The following TRAF3IP1 variants were observed in gnomAD, a reference collection of about 807,000 sequenced individuals.
The protein encoded by TRAF3IP1 is TRAF3-interacting protein 1.
A neutral mutation model predicts 89.9 loss-of-function variants in TRAF3IP1; 53 were observed. That is an observed-to-expected ratio of 0.59 (90% CI 0.47 to 0.74). The LOEUF (loss-of-function observed/expected upper bound fraction) is 0.74, where lower values mean the gene tolerates loss of function less well. Among genes scored for constraint, TRAF3IP1 ranks in the 30% least tolerant of loss-of-function variants. The probability of loss-of-function intolerance (pLI) is 0.00; values close to 1 mark genes in which losing one functional copy is unlikely to be tolerated. For missense variants in TRAF3IP1, 806 were observed against 866.1 expected (o/e 0.93, Z 0.87); for synonymous variants, 311 against 322.1 (o/e 0.97, Z 0.37).
rs917993262 is a variant in TRAF3IP1, at chr2:238,345,266, A to C, written c.1261+668A>C. On this transcript the variant is annotated intron_variant, in intron 9 of 16. Coordinates refer to ENST00000373327, the MANE Select transcript of TRAF3IP1 (RefSeq NM_015650.4). This position sits in a 1 kb window ranked among gnomAD's most constrained non-coding sequence, Gnocchi z 4.7. ...ATGTCAGCCCTGAGGCTGGGAGCGC[A>C]TGAGCCAGTGAAGTCAGGCTGGCCT... Among the ~76,000 whole-genome samples, 2 of 152,234 alleles carry C rather than the reference A, an allele frequency of 1.3e-5. No homozygotes were observed. Among genetic ancestry groups the C allele is most frequent in the Admixed American group, 6.5e-5 (1 of 15,286 alleles).
Position 238,375,784 on chromosome 2 carries a change from CCTT to C in TRAF3IP1, c.1689+19707_1689+19709del, listed in dbSNP as rs933828993. 2.2e-4 allele frequency among the ~76,000 whole-genome samples: 33 copies of C among 152,122 alleles called. 2 individuals are homozygous for C. The highest frequency in any genetic ancestry group is 4.4e-5 in the Non-Finnish European group (3 of 67,998). On this transcript the variant is annotated intron_variant, in intron 15 of 16. Coordinates refer to ENST00000373327, the MANE Select transcript of TRAF3IP1 (RefSeq NM_015650.4). ...GCTTTTGGCGAGTCGGTTAAGAAAT[CCTT>C]CTGTATTCCAAGGTCAGAAAGATAT...
chr2:238,371,554 T>C lies in TRAF3IP1; in HGVS notation c.1689+15474T>C, dbSNP rs1197927893. Among the ~76,000 whole-genome samples the C allele has an allele frequency of 2.0e-5, 3 of 152,182 alleles. No homozygotes were observed. In the East Asian group the frequency reaches 5.8e-4, roughly 29 times the overall value. On this transcript the variant is annotated intron_variant, in intron 15 of 16. Transcript: ENST00000373327. ...GATAATGCAAGAGCTCAAAAAAAGA[T>C]TGTTCTTATATTCTTCCAAACCTAA...
intron 7 of TRAF3IP1, among the ~76,000 whole-genome samples, chr2:238,337,292 A>G (rs188794524): frequency 9.6e-4 from 146 of 152,324 alleles, no homozygotes; most frequent in African/African-American, 3.4e-3. Context: ...GAGGGAGGAC[A>G]TCTGGACAGA....
Position 238,325,881 on chromosome 2 carries a change from T to C in TRAF3IP1, c.265T>C (p.Leu89=), listed in dbSNP as rs761801172. ...TGTAATGGTGTCGGGAGAGCCACTG[T>C]TGGCCAAACCAGCCCGAATCGTGGC... ...VVVMVSGEPL[L]AKPARIVAGH... is the part of the protein sequence containing the mutation. The change falls in exon 3 of 17, where the codon TTG becomes CTG. Residue 89 remains leucine (L), a synonymous_variant. Transcript: ENST00000373327. 1 of 1,614,236 alleles carries C rather than the reference T, an allele frequency of 6.2e-7. No individual in the cohort carries two copies. The highest frequency in any genetic ancestry group is 8.5e-7 in the Non-Finnish European group (1 of 1,180,028).
chr2:238,388,682 C>T (rs1700877622), intron 15 of TRAF3IP1, among the ~76,000 whole-genome samples: 2 of 147,684 alleles, frequency 1.4e-5, no homozygotes, highest in Admixed American at 1.4e-4. Context: ...ACTACATCCT[C>T]GACCTCCTGG....
At chr2:238,363,925 A>G (rs1374429398) in intron 15 of TRAF3IP1, among the ~76,000 whole-genome samples, 1 of 152,202 alleles carries the variant, frequency 6.6e-6, no homozygotes, top group Non-Finnish European at 1.5e-5. Context: ...GCACCACTGC[A>G]TTCCAGCCTG....
At chr2:238,391,063 T>C (rs1196387498) in intron 15 of TRAF3IP1, among the ~76,000 whole-genome samples, 1 of 152,218 alleles carries the variant, frequency 6.6e-6, no homozygotes, top group Non-Finnish European at 1.5e-5. Context: ...CAGGCAATCC[T>C]CCCTGCTTAG....
chr2:238,332,084 G>A (rs1698153894), intron 5 of TRAF3IP1, among the ~76,000 whole-genome samples: 1 of 152,206 alleles, frequency 6.6e-6, no homozygotes, highest in Non-Finnish European at 1.5e-5. Flanking sequence ...TGGGTAGCAC[G>A]TGTGCAGTGC....
intron 8 of TRAF3IP1, 95 bp from the exon 9 acceptor site, chr2:238,344,400 CAT>C (rs1481985943): frequency 2.1e-6 from 2 of 960,858 alleles, no homozygotes; most frequent in Admixed American, 4.4e-5. Flanking sequence ...TGTGGGAAAA[CAT>C]AGATAAGTAA....
At chr2:238,331,153 C>T (rs1698101393) in intron 5 of TRAF3IP1, among the ~76,000 whole-genome samples, 1 of 151,928 alleles carries the variant, frequency 6.6e-6, no homozygotes, top group Admixed American at 6.6e-5. Flanking sequence ...AGAGAGAAAC[C>T]ATTCCAAAGA....
At chr2:238,380,705 C>G (rs923540605) in intron 15 of TRAF3IP1, among the ~76,000 whole-genome samples, 1 of 152,200 alleles carries the variant, frequency 6.6e-6, no homozygotes, top group Non-Finnish European at 1.5e-5. Context: ...TGAGATGACC[C>G]CAACAATATT....
chr2:238,364,168 T>G (rs1055282202), intron 15 of TRAF3IP1, among the ~76,000 whole-genome samples: 1 of 152,168 alleles, frequency 6.6e-6, no homozygotes. Flanking sequence ...TTTTGGAGGA[T>G]TTTTTCAATG....
intron 15 of TRAF3IP1, among the ~76,000 whole-genome samples, chr2:238,381,076 T>C (rs968796999): frequency 1.3e-5 from 2 of 151,942 alleles, no homozygotes; most frequent in African/African-American, 4.8e-5. Flanking sequence ...ACTATTTTTC[T>C]TGCCACAATG....
rs577566816 is a variant in TRAF3IP1, at chr2:238,348,761, T to C, written c.1283-3T>C. 6.2e-7 allele frequency: 1 copy of C among 1,613,826 alleles called. No homozygotes were observed. The highest frequency in any genetic ancestry group is 2.2e-5 in the East Asian group (1 of 44,870). Reference sequence around the variant, plus strand: ...AATTGCTAATTGATTGTCATTTGTTTAGAAGGAGATGCTGGACCTGCTGGC... The same window carrying C: ...AATTGCTAATTGATTGTCATTTGTTCAGAAGGAGATGCTGGACCTGCTGGC... On this transcript the variant is annotated splice_polypyrimidine_tract_variant and splice_region_variant and intron_variant, in intron 10 of 16. Coordinates refer to ENST00000373327, the MANE Select transcript of TRAF3IP1 (RefSeq NM_015650.4).
intron 12 of TRAF3IP1, among the ~76,000 whole-genome samples, chr2:238,349,650 CT>C (rs1187653561): frequency 2.6e-5 from 4 of 152,162 alleles, no homozygotes; most frequent in African/African-American, 9.7e-5. Context: ...AAATGTTGGA[CT>C]GCATTTCTCT....
At chr2:238,370,945 C>G (rs1700083835) in intron 15 of TRAF3IP1, among the ~76,000 whole-genome samples, 1 of 152,146 alleles carries the variant, frequency 6.6e-6, no homozygotes, top group South Asian at 2.1e-4. Context: ...CATGCTAACA[C>G]CAGGGGGTGC....
chr2:238,347,671 A>G (rs1165362632), intron 10 of TRAF3IP1, among the ~76,000 whole-genome samples, 196 bp downstream of exon 10: 1 of 152,160 alleles, frequency 6.6e-6, no homozygotes, highest in African/African-American at 2.4e-5. Context: ...CTTGTTGCCC[A>G]GGCTGGAGTG....
At chr2:238,344,188 G>A (rs1698786871) in intron 8 of TRAF3IP1, among the ~76,000 whole-genome samples, 1 of 152,132 alleles carries the variant, frequency 6.6e-6, no homozygotes, top group Admixed American at 6.5e-5. Context: ...GGAGGTGAGT[G>A]GAGACTGGCA....
At position 238,334,473 on chromosome 2, in the gene TRAF3IP1, G is replaced by C. The variant is rs115874443; in HGVS notation, c.1063+438G>C. The stretch of plus-strand genomic sequence containing the variant: ...ATGATTGGAAGCCATGCTAAAAGCC[G>C]AATGTACAGGCCTGGCCTGCGGTCC... On this transcript the variant is annotated intron_variant, in intron 7 of 16. Transcript: ENST00000373327. 2.6e-5 allele frequency among the ~76,000 whole-genome samples: 4 copies of C among 152,088 alleles called. No homozygotes were observed. The East Asian group carries it at 7.7e-4, about 29-fold the overall frequency.
Sources: gnomAD v4.1 joint callset for allele counts (sites outside exome capture counted in the v4.1 genomes callset) on GRCh38, gnomAD v4.1.1 for gene constraint, Gnocchi (gnomAD v3.1) non-coding constraint, MANE v1.5 for transcripts, NCBI Gene and HGNC (gene_info 2026-07-23, HGNC 2026-07-21) for gene names.